MED12L: variants seen among roughly 807,000 people sequenced by gnomAD.
The protein encoded by MED12L is mediator complex subunit 12L.
Under a neutral mutation model 281.3 loss-of-function variants are expected in MED12L, and 60 were observed. The ratio of observed to expected loss-of-function variants is 0.21; its 90% CI spans 0.17 to 0.26. The LOEUF (loss-of-function observed/expected upper bound fraction) is 0.26. Ranked by LOEUF, MED12L falls within the 10% of genes least tolerant of loss-of-function variation. The pLI, the probability that MED12L is intolerant of heterozygous loss-of-function variation, is 1.00. For synonymous variants in MED12L, 974 were observed against 987.2 expected (o/e 0.99, Z 0.25); for missense variants, 2,146 against 2,680.9 (o/e 0.80, Z 4.41).
chr3:151,355,622 T>C (rs74431115), intron 18 of MED12L, among the ~76,000 whole-genome samples: 7,481 of 152,184 alleles, frequency 0.049, 216 homozygotes, highest in East Asian at 0.13. Context: ...ATTCAAATGG[T>C]TGTGTCTAAA....
intron 30 of MED12L, among the ~76,000 whole-genome samples, chr3:151,377,650 T>C (rs532894373): frequency 1.3e-5 from 2 of 152,336 alleles, no homozygotes; most frequent in East Asian, 1.9e-4. Flanking sequence ...CCTTAAAAAT[T>C]AGCTATTAGT....
intron 16 of MED12L, among the ~76,000 whole-genome samples, chr3:151,218,650 C>T (rs1160661677): frequency 2.0e-5 from 3 of 151,690 alleles, no homozygotes; most frequent in African/African-American, 4.8e-5. Context: ...GGGTGGATCA[C>T]GAGGTCAGGA....
At chr3:151,362,819 CT>C (rs1383821202) in intron 21 of MED12L, among the ~76,000 whole-genome samples, 1 of 152,012 alleles carries the variant, frequency 6.6e-6, no homozygotes, top group Non-Finnish European at 1.5e-5. Context: ...CAAAATAATC[CT>C]TTGTGAAATA....
intron 16 of MED12L, among the ~76,000 whole-genome samples, chr3:151,236,143 A>G (rs1363186303): frequency 1.3e-5 from 2 of 152,220 alleles, no homozygotes. Flanking sequence ...AGGAGGTCCC[A>G]GAATAGAGCT....
intron 16 of MED12L, among the ~76,000 whole-genome samples, chr3:151,306,101 A>G (rs898281578): frequency 6.6e-6 from 1 of 152,150 alleles, no homozygotes; most frequent in Non-Finnish European, 1.5e-5. Flanking sequence ...TCCGCTTATC[A>G]TTTAATCTTA....
chr3:151,212,339 G>A (rs559275008), intron 16 of MED12L: 1 of 152,258 alleles, frequency 6.6e-6, no homozygotes, highest in East Asian at 1.9e-4. Context: ...AATGTGATGT[G>A]TGAATTTTCA....
intron 5 of MED12L, among the ~76,000 whole-genome samples, chr3:151,141,181 T>TG (rs1553808473): frequency 2.4e-5 from 3 of 124,504 alleles, no homozygotes; most frequent in Non-Finnish European, 4.8e-5. Flanking sequence ...TTTTTTTGTT[T>TG]TTTTTGTTTT....
rs10627724 is a variant in MED12L at position 151,261,685 on chromosome 3, GTGTTTTGTTT to G, written c.2250+68051_2250+68060del. On this transcript the variant is annotated intron_variant, in intron 16 of 44. Transcript: ENST00000687756. ...CTGGGGAGGGGTCCAGTGGTACGTG[GTGTTTTGTTT>G]TGTTTTGTTTTGTTTTGTTTTGTTT... is the stretch of plus-strand genomic sequence containing the variant. Among the ~76,000 whole-genome samples the G allele has an allele frequency of 3.1e-3, 467 of 148,752 alleles. 5 individuals are homozygous for G. The highest frequency in any genetic ancestry group is 9.0e-3 in the African/African-American group (360 of 40,016).
At chr3:151,396,602 G>C (rs1467914767) in intron 39 of MED12L, among the ~76,000 whole-genome samples, 1 of 152,182 alleles carries the variant, frequency 6.6e-6, no homozygotes, top group Non-Finnish European at 1.5e-5. Context: ...CTCCAGCCCG[G>C]TCAACAGAGT....
At chr3:151,421,487 T>G (rs1031978432) in intron 43 of MED12L, among the ~76,000 whole-genome samples, 2 of 152,068 alleles carry the variant, frequency 1.3e-5, no homozygotes, top group African/African-American at 4.8e-5. Context: ...CTTGGCTCAC[T>G]GCAACCTGCA....
At chr3:151,351,713 G>A (rs746933835) in intron 17 of MED12L, among the ~76,000 whole-genome samples, 2 of 152,140 alleles carry the variant, frequency 1.3e-5, no homozygotes, top group Non-Finnish European at 2.9e-5. Context: ...CAGGAGGTTC[G>A]TAATACATAT....
intron 16 of MED12L, 84 bp downstream of exon 16, chr3:151,193,750 A>C (rs1724278535): frequency 1.7e-6 from 2 of 1,195,926 alleles, no homozygotes; most frequent in African/African-American, 3.0e-5. Flanking sequence ...ATTCAACTGT[A>C]TTCTTGACTA....
chr3:151,232,923 A>AT (rs1053117557), intron 16 of MED12L, among the ~76,000 whole-genome samples: 19 of 152,100 alleles, frequency 1.2e-4, no homozygotes, highest in African/African-American at 3.4e-4. Flanking sequence ...TTGAAACTAA[A>AT]TTTTTTTTAA....
At chr3:151,242,258 G>A (rs1404708954) in intron 16 of MED12L, among the ~76,000 whole-genome samples, 1 of 152,258 alleles carries the variant, frequency 6.6e-6, no homozygotes, top group East Asian at 1.9e-4. Flanking sequence ...AGCTCAAACT[G>A]GGCGGAGCCC....
chr3:151,325,016 A>G lies in MED12L; in HGVS notation c.2251-25043A>G, dbSNP rs578210964. 7.2e-5 allele frequency among the ~76,000 whole-genome samples: 11 copies of G among 152,350 alleles called. No homozygotes were observed. In the South Asian group the frequency reaches 2.1e-3, roughly 29 times the overall value. On this transcript the variant is annotated intron_variant, in intron 16 of 44. Transcript: ENST00000687756. ...ATTTGTTAATTTGCTGAAGGAATAC[A>G]GTTTATGTCGGGGTAAGAGTTAAGT...
Position 151,387,995 on chromosome 3 carries a change from C to T in MED12L, c.5274C>T (p.Tyr1758=), listed in dbSNP as rs1428142095. 5.6e-6 allele frequency: 9 copies of T among 1,614,064 alleles called. No individual in the cohort carries two copies. Among genetic ancestry groups the T allele is most frequent in the Non-Finnish European group, 7.6e-6 (9 of 1,180,020 alleles). The change falls in exon 37 of 45, where the codon TAC becomes TAT. Residue 1758 remains tyrosine, a synonymous_variant. Transcript: ENST00000687756. The part of the protein sequence containing the change: ...HTHPMPKPRS[Y]YLQPLPLPPE... ...ACCCCATGCCCAAGCCCCGCAGTTA[C>T]TACCTCCAGCCACTGCCCCTGCCTC... is the stretch of plus-strand genomic sequence containing the variant.
intron 16 of MED12L, among the ~76,000 whole-genome samples, chr3:151,303,194 GGAGGCC>G (rs1746171456): frequency 2.0e-5 from 3 of 152,168 alleles, no homozygotes; most frequent in African/African-American, 7.2e-5. Flanking sequence ...GAAGATTGTT[GGAGGCC>G]TCCCAGGTAT....
chr3:151,394,007 G>C lies in MED12L; in HGVS notation c.5609-649G>C, dbSNP rs565529048. Among the ~76,000 whole-genome samples the C allele has an allele frequency of 1.7e-4, 26 of 152,078 alleles. No homozygotes were observed. In the South Asian group the frequency reaches 5.4e-3, roughly 32 times the overall value. On this transcript the variant is annotated intron_variant, in intron 38 of 44. Transcript: ENST00000687756. Reference sequence around the variant, plus strand: ...TTTTTTCCCTAACTTTTAAATGCGCGTGACAAATTATAATATACAAATATG... The same window carrying C: ...TTTTTTCCCTAACTTTTAAATGCGCCTGACAAATTATAATATACAAATATG...
In MED12L at chr3:151,227,567, T is replaced by C. The variant is rs1730788978; in HGVS notation, c.2250+33901T>C. ...ATTGGCATGTCTAAGAACTCCAGCCTGTCTTCACTTTGTGATTATGCAAAT... is the reference window on the plus strand; with the variant it reads ...ATTGGCATGTCTAAGAACTCCAGCCCGTCTTCACTTTGTGATTATGCAAAT... On this transcript the variant is annotated intron_variant, in intron 16 of 44. Transcript: ENST00000687756. Among the ~76,000 whole-genome samples, 3 of 152,242 alleles carry C rather than the reference T, an allele frequency of 2.0e-5. No individual in the cohort carries two copies. The South Asian group carries it at 6.2e-4, about 32-fold the overall frequency.
Sources: allele counts gnomAD v4.1 joint callset (sites outside exome capture counted in the v4.1 genomes callset), GRCh38; gene constraint gnomAD v4.1.1; transcripts MANE v1.5; gene names NCBI Gene and HGNC (gene_info 2026-07-23, HGNC 2026-07-21).